Variants in GCNT1 observed in about 807,000 individuals in gnomAD.
GCNT1 encodes glucosaminyl (N-acetyl) transferase 1.
A neutral mutation model predicts 26.2 loss-of-function variants in GCNT1; 16 were observed. That is an observed-to-expected ratio of 0.61 (90% CI 0.41 to 0.93). The LOEUF is 0.93. Among genes scored for constraint, GCNT1 ranks in the 40% least tolerant of loss-of-function variants. The probability of loss-of-function intolerance (pLI) is 0.00; values close to 1 mark genes in which losing one functional copy is unlikely to be tolerated. For synonymous variants in GCNT1, 183 were observed against 190.8 expected (o/e 0.96, Z 0.34); for missense variants, 477 against 526.7 (o/e 0.91, Z 0.92).
the GCNT1 span, chr9:76,398,556 G>A: frequency 1.1e-5 from 7 of 642,124 alleles, no homozygotes; most frequent in Non-Finnish European, 1.9e-5. Context: ...TCCAGAAATT[G>A]TGCTCACTTA....
intron 1 of GCNT1, among the ~76,000 whole-genome samples, chr9:76,443,945 G>GAAA (rs1823527185): frequency 1.3e-5 from 1 of 74,894 alleles, no homozygotes; most frequent in African/African-American, 4.8e-5. Context: ...AAGGAAGGAA[G>GAAA]GAAGGAAGGA....
upstream of GCNT1, among the ~76,000 whole-genome samples, chr9:76,416,904 C>CA (rs1823138054): frequency 1.3e-5 from 2 of 151,816 alleles, no homozygotes; most frequent in Admixed American, 6.6e-5. Flanking sequence ...ACTAAAAATA[C>CA]AAAAAATTAG....
At chr9:76,432,251 A>C (rs1008626806) in intron 1 of GCNT1, among the ~76,000 whole-genome samples, 3 of 151,922 alleles carry the variant, frequency 2.0e-5, no homozygotes, top group African/African-American at 7.2e-5. Context: ...CATCTAGTCC[A>C]AAAAAAATGT....
At chr9:76,458,175 A>ATT (rs779648273), upstream of GCNT1, among the ~76,000 whole-genome samples, 8,912 of 76,304 alleles carry the variant, frequency 0.12, 1,287 homozygotes, top group Middle Eastern at 0.17. Context: ...TCTGAGTTGG[A>ATT]TTTTTTTTTT....
chr9:76,486,300 T>C (rs1235992877), intron 2 of GCNT1, among the ~76,000 whole-genome samples: 1 of 152,220 alleles, frequency 6.6e-6, no homozygotes, highest in Non-Finnish European at 1.5e-5. Flanking sequence ...GCTCTTACAG[T>C]TGCTGGTGAA....
chr9:76,441,074 C>CA (rs1823478016), upstream of GCNT1, among the ~76,000 whole-genome samples: 1 of 142,032 alleles, frequency 7.0e-6, no homozygotes, highest in Admixed American at 7.0e-5. Context: ...CAAAAAAAAA[C>CA]AAAAAAACCT....
chr9:76,479,490 G>T (rs1224137203), intron 2 of GCNT1, among the ~76,000 whole-genome samples: 1 of 152,186 alleles, frequency 6.6e-6, no homozygotes, highest in African/African-American at 2.4e-5. Context: ...GTGTAAAAGT[G>T]TTCCTATTTC....
the GCNT1 span, chr9:76,394,420 A>G: frequency 1.2e-5 from 5 of 417,484 alleles, no homozygotes; most frequent in Non-Finnish European, 2.1e-5. Context: ...AGACAGCCGA[A>G]GTAAGTGCCG....
At chr9:76,493,090 G>A (rs1824792824) in intron 2 of GCNT1, among the ~76,000 whole-genome samples, 1 of 152,152 alleles carries the variant, frequency 6.6e-6, no homozygotes, top group African/African-American at 2.4e-5. Context: ...GAAGGCAGAA[G>A]GATTCTCTTC....
At chr9:76,446,607 A>G (rs570583071) in intron 1 of GCNT1, among the ~76,000 whole-genome samples, 10 of 152,352 alleles carry the variant, frequency 6.6e-5, no homozygotes, top group African/African-American at 2.4e-4. Context: ...ATATGTGTGA[A>G]GACATTCACT....
chr9:76,487,766 C>T (rs1824619412), intron 2 of GCNT1, among the ~76,000 whole-genome samples: 1 of 152,184 alleles, frequency 6.6e-6, no homozygotes. Context: ...CAGGGTCTCA[C>T]TCCTGTTGCC....
At chr9:76,467,553 G>T (rs118085578) in intron 2 of GCNT1, among the ~76,000 whole-genome samples, 2,807 of 152,208 alleles carry the variant, frequency 0.018, 46 homozygotes, top group Middle Eastern at 0.1. Flanking sequence ...CTGGTAGGGG[G>T]ACTCGTTATT....
intron 1 of GCNT1, among the ~76,000 whole-genome samples, chr9:76,428,014 A>T (rs1252023474): frequency 6.6e-5 from 10 of 152,006 alleles, no homozygotes; most frequent in Admixed American, 6.6e-4. Flanking sequence ...CAAAAAACAC[A>T]TGAAAAACAT....
At chr9:76,489,710 T>G (rs1349021499) in intron 2 of GCNT1, among the ~76,000 whole-genome samples, 1 of 152,136 alleles carries the variant, frequency 6.6e-6, no homozygotes. Context: ...AGTCCCCACT[T>G]GACCCAGGAA....
chr9:76,484,382 A>AG (rs985884606), intron 2 of GCNT1, among the ~76,000 whole-genome samples: 8 of 151,990 alleles, frequency 5.3e-5, no homozygotes, highest in African/African-American at 1.7e-4. Flanking sequence ...AAAAAAAAAA[A>AG]AGAGAGAGAA....
chr9:76,401,393 A>G, the GCNT1 span, among the ~76,000 whole-genome samples: 116 of 152,306 alleles, frequency 7.6e-4, 2 homozygotes, highest in South Asian at 2.1e-3. Context: ...GGCCTCCTGC[A>G]TAACTGGAAC....
chr9:76,480,023 A>C (rs561551656), intron 2 of GCNT1, among the ~76,000 whole-genome samples: 1 of 152,276 alleles, frequency 6.6e-6, no homozygotes, highest in East Asian at 1.9e-4. Flanking sequence ...TCTTGAATTA[A>C]TTTTTGTATA....
chr9:76,501,278 C>T (rs141659362), intron 3 of GCNT1, among the ~76,000 whole-genome samples: 120 of 152,148 alleles, frequency 7.9e-4, no homozygotes, highest in East Asian at 5.2e-3. Context: ...AGAACAGCAG[C>T]GCTTATCAGC....
At chr9:76,394,139 T>C in the GCNT1 span, 15 of 1,609,768 alleles carry the variant, frequency 9.3e-6, no homozygotes, top group African/African-American at 4.0e-5. Context: ...CCCGCACCAC[T>C]TGACCCCGGC....
Sources: allele counts gnomAD v4.1 joint callset (sites outside exome capture counted in the v4.1 genomes callset), GRCh38; gene constraint gnomAD v4.1.1; transcripts MANE v1.5; gene names NCBI Gene and HGNC (gene_info 2026-07-23, HGNC 2026-07-21).